The following NSUN6 variants were observed in gnomAD, a reference collection of about 807,000 sequenced individuals.
NSUN6 encodes the protein NOP2/Sun RNA methyltransferase 6, also known as tRNA (cytosine(72)-C(5))-methyltransferase NSUN6.
NSUN6 carries 64 observed loss-of-function variants against 58.0 expected under a neutral mutation model. That is an observed-to-expected ratio of 1.10 (90% CI 0.90 to 1.36). The LOEUF (loss-of-function observed/expected upper bound fraction) is 1.36. Ranked by LOEUF, NSUN6 falls within the 40% of genes most tolerant of loss-of-function variation. The pLI is 0.00. For missense variants in NSUN6, 701 were observed against 550.1 expected (o/e 1.27, Z -2.74); for synonymous variants, 231 against 193.9 (o/e 1.19, Z -1.59).
chr10:18,622,095 C>T (rs1430531451), intron 3 of NSUN6, among the ~76,000 whole-genome samples: 1 of 151,902 alleles, frequency 6.6e-6, no homozygotes, highest in Non-Finnish European at 1.5e-5. Flanking sequence ...TCTTAAAGTG[C>T]TTGTTATGGA....
intron 3 of NSUN6, among the ~76,000 whole-genome samples, chr10:18,619,938 T>C (rs1394279954): frequency 6.6e-6 from 1 of 152,178 alleles, no homozygotes; most frequent in African/African-American, 2.4e-5. Context: ...CGATGCAATA[T>C]ATTATAAAAC....
At chr10:18,625,719 TTAAAAAAAAAA>T (rs2058772611) in intron 3 of NSUN6, among the ~76,000 whole-genome samples, 1 of 108,266 alleles carries the variant, frequency 9.2e-6, no homozygotes, top group Non-Finnish European at 2.0e-5. Flanking sequence ...TGTTTTTTTT[TTAAAAAAAAAA>T]AAAAAAAAAA....
intron 8 of NSUN6, among the ~76,000 whole-genome samples, chr10:18,576,542 A>T (rs2056657225): frequency 6.6e-6 from 1 of 152,212 alleles, no homozygotes; most frequent in Admixed American, 6.5e-5. Flanking sequence ...AGGATTCTAC[A>T]GCCTGGGGTA....
At chr10:18,622,611 G>A (rs762603724) in intron 3 of NSUN6, among the ~76,000 whole-genome samples, 2 of 152,228 alleles carry the variant, frequency 1.3e-5, no homozygotes, top group Non-Finnish European at 2.9e-5. Context: ...ATAGGAGGCT[G>A]AGGCAGGATA....
intron 8 of NSUN6, among the ~76,000 whole-genome samples, chr10:18,558,498 G>C (rs1212838147): frequency 6.6e-6 from 1 of 151,340 alleles, no homozygotes; most frequent in African/African-American, 2.4e-5. Flanking sequence ...ATATGGAATG[G>C]AATGGAGAAA....
At chr10:18,586,604 T>C (rs1347806935) in intron 7 of NSUN6, among the ~76,000 whole-genome samples, 1 of 151,970 alleles carries the variant, frequency 6.6e-6, no homozygotes, top group East Asian at 1.9e-4. Context: ...AGTTGTTTGT[T>C]CCTCCCAGTG....
At position 18,651,154 on chromosome 10, in the gene NSUN6, A is replaced by G; in HGVS notation, c.50T>C (p.Leu17Pro). Residue 17 changes from leucine (L) to proline (P), a missense_variant, in exon 1 of 11, where the codon CTT becomes CCT. Coordinates refer to ENST00000377304, the MANE Select transcript of NSUN6 (RefSeq NM_182543.5). ...CTCCTTATTCATAAAGCCTTCCTTA[A>G]GATAGTTTTCAACCTCAGGTCTCAA... ...ISLRPEVENY[L>P]KEGFMNKEIV... 6.3e-7 allele frequency: 1 copy of G among 1,582,804 alleles called. No individual in the cohort carries two copies. The highest frequency in any genetic ancestry group is 8.5e-7 in the Non-Finnish European group (1 of 1,171,378).
intron 7 of NSUN6, among the ~76,000 whole-genome samples, chr10:18,587,842 T>C (rs191741851): frequency 2.2e-4 from 34 of 151,966 alleles, no homozygotes; most frequent in Admixed American, 2.2e-3. Context: ...AGCACAAAAC[T>C]GGGCGGCCAT....
chr10:18,642,657 T>C, intron 2 of NSUN6, 102 bp from the exon 3 acceptor site: 1 of 612,932 alleles, frequency 1.6e-6, no homozygotes, highest in South Asian at 2.3e-5. Flanking sequence ...GAAGCCCTAG[T>C]AGCTCTGGGG....
intron 8 of NSUN6, among the ~76,000 whole-genome samples, chr10:18,564,462 C>G: frequency 6.7e-6 from 1 of 150,084 alleles, no homozygotes. Flanking sequence ...CATACCCATT[C>G]TCCATTCCAT....
intron 6 of NSUN6, among the ~76,000 whole-genome samples, chr10:18,600,993 T>TATATATG (rs1554870074): frequency 7.9e-6 from 1 of 126,406 alleles, no homozygotes. Context: ...TATATATATA[T>TATATATG]TATATACTAG....
At chr10:18,588,527 A>G (rs2057258567) in intron 7 of NSUN6, among the ~76,000 whole-genome samples, 2 of 152,158 alleles carry the variant, frequency 1.3e-5, no homozygotes, top group African/African-American at 4.8e-5. Flanking sequence ...CATGCAGGAG[A>G]GTTCCAGCTA....
intron 6 of NSUN6, among the ~76,000 whole-genome samples, chr10:18,600,822 G>A (rs2057775127): frequency 6.7e-6 from 1 of 149,922 alleles, no homozygotes; most frequent in African/African-American, 2.5e-5. Flanking sequence ...CAGCTACTTA[G>A]GAGGCTAAGG....
chr10:18,550,725 T>C (rs2054545009), intron 9 of NSUN6, among the ~76,000 whole-genome samples: 1 of 99,852 alleles, frequency 1.0e-5, no homozygotes, highest in African/African-American at 4.0e-5. Flanking sequence ...CCCCAAAAAA[T>C]CTCTTTTTTT....
intron 3 of NSUN6, among the ~76,000 whole-genome samples, chr10:18,641,395 C>A (rs899459828): frequency 2.0e-5 from 3 of 150,890 alleles, no homozygotes; most frequent in Non-Finnish European, 4.4e-5. Flanking sequence ...AGACAAGGTC[C>A]CGCTCTGTCT....
chr10:18,599,120 C>T (rs2057708926), intron 6 of NSUN6, among the ~76,000 whole-genome samples: 1 of 152,182 alleles, frequency 6.6e-6, no homozygotes, highest in Admixed American at 6.5e-5. Context: ...TCACTGCCAC[C>T]TTGAACTCTT....
At chr10:18,555,904 GGA>G (rs367637985) in intron 8 of NSUN6, among the ~76,000 whole-genome samples, 7 of 68,076 alleles carry the variant, frequency 1.0e-4, no homozygotes, top group Admixed American at 6.6e-4. Context: ...AGAATGGAAT[GGA>G]GAATGGAATG....
In NSUN6 at chr10:18,646,051, C is replaced by T. The variant is rs549547376; in HGVS notation, c.231+2439G>A. Among the ~76,000 whole-genome samples, 10 of 152,024 alleles carry T rather than the reference C, an allele frequency of 6.6e-5. No individual in the cohort carries two copies. In the East Asian group the frequency reaches 1.2e-3, roughly 18 times the overall value. On this transcript the variant is annotated intron_variant, in intron 2 of 10. Coordinates refer to ENST00000377304, the MANE Select transcript of NSUN6 (RefSeq NM_182543.5). Reference sequence around the variant, plus strand: ...CTGTGCTAAGAATATCAAAATTAGCCGAGCATTGTGGCGAGTGCATATAAT... The same window carrying T: ...CTGTGCTAAGAATATCAAAATTAGCTGAGCATTGTGGCGAGTGCATATAAT...
chr10:18,610,364 T>C (rs1040347172), intron 5 of NSUN6, among the ~76,000 whole-genome samples: 6 of 152,174 alleles, frequency 3.9e-5, no homozygotes, highest in African/African-American at 1.4e-4. Flanking sequence ...AAAAGAACTC[T>C]TTTTATTAAA....
Sources: allele counts gnomAD v4.1 joint callset (sites outside exome capture counted in the v4.1 genomes callset), GRCh38; gene constraint gnomAD v4.1.1; transcripts MANE v1.5; gene names NCBI Gene and HGNC (gene_info 2026-07-23, HGNC 2026-07-21).